ADAM12: variants seen among roughly 807,000 people sequenced by gnomAD.
The protein encoded by ADAM12 is ADAM metallopeptidase domain 12.
Under a neutral mutation model 106.4 loss-of-function variants are expected in ADAM12, and 70 were observed. That is an observed-to-expected ratio of 0.66 (90% confidence interval 0.54 to 0.80). The LOEUF is 0.80. Ranked by LOEUF, ADAM12 falls within the 30% of genes least tolerant of loss-of-function variation. ADAM12 has a pLI of 0.00. For synonymous variants in ADAM12, 420 were observed against 433.5 expected, an observed-to-expected ratio of 0.97 and a Z score of 0.39; for missense variants, 1,010 against 1,171.9, an observed-to-expected ratio of 0.86 and a Z score of 2.02.
rs1954868471 is a variant in ADAM12, at chr10:126,066,365, G to T, written c.1413+352C>A. Among the ~76,000 whole-genome samples, 1 of 152,222 alleles carries T rather than the reference G, an allele frequency of 6.6e-6. No homozygotes were observed. Among genetic ancestry groups the T allele is most frequent in the Non-Finnish European group, 1.5e-5 (1 of 68,036 alleles). On this transcript the variant is annotated intron_variant, in intron 13 of 22. Coordinates refer to ENST00000448723, the MANE Select transcript of ADAM12 (RefSeq NM_001288973.2). This position sits in a 1 kb window ranked among gnomAD's most constrained non-coding sequence, Gnocchi z 5.1. ...AACCTGGGGGAACCTGAGTGACAGT[G>T]GATGGGGACTTGTTCTCGCCTTGCT...
rs5788768 is a variant in ADAM12 at position 126,155,404 on chromosome 10, C to CTTT, written c.261-102_261-100dup. On this transcript the variant is annotated intron_variant, in intron 3 of 22. Coordinates refer to ENST00000448723, the MANE Select transcript of ADAM12 (RefSeq NM_001288973.2). ...TATAGGGTAGCAAGATTGTGACCTCCTTTTTTTTTTTTTAACAGATAATCC... is the reference window on the plus strand; with the variant it reads ...TATAGGGTAGCAAGATTGTGACCTCCTTTTTTTTTTTTTTTTAACAGATAATCC... The CTTT allele has an allele frequency of 5.4e-4, 433 of 807,912 alleles. 1 individual carries two copies. The African/African-American group carries it at 6.4e-3, about 12-fold the overall frequency. 50.0% of individuals were successfully genotyped at this position (807,912 alleles called of 1,614,324 possible).
chr10:126,045,443 G>T (rs1531331), intron 17 of ADAM12, among the ~76,000 whole-genome samples: 73,203 of 151,846 alleles, frequency 0.48, 22,006 homozygotes, highest in African/African-American at 0.84. Context: ...ATTTGGAGCA[G>T]GATTTCTGTA....
intron 21 of ADAM12, among the ~76,000 whole-genome samples, chr10:126,030,817 G>C (rs1953959212): frequency 6.6e-6 from 1 of 152,210 alleles, no homozygotes; most frequent in Non-Finnish European, 1.5e-5. Context: ...GACCTTGGTA[G>C]CTGTGTTTTA....
intron 2 of ADAM12, among the ~76,000 whole-genome samples, chr10:126,289,682 A>C (rs1960056981): frequency 6.6e-6 from 1 of 152,188 alleles, no homozygotes; most frequent in Non-Finnish European, 1.5e-5. Flanking sequence ...AGGAACAATA[A>C]TTTTAAGCAA....
intron 21 of ADAM12, among the ~76,000 whole-genome samples, chr10:126,035,108 G>T (rs1954035295): frequency 6.6e-6 from 1 of 152,140 alleles, no homozygotes; most frequent in Non-Finnish European, 1.5e-5. Context: ...GAGATATTTT[G>T]TTGTATTTAT....
At chr10:126,238,966 A>G (rs1054366372) in intron 3 of ADAM12, among the ~76,000 whole-genome samples, 9 of 152,218 alleles carry the variant, frequency 5.9e-5, no homozygotes, top group African/African-American at 2.2e-4. Context: ...AGAGAAAGAG[A>G]TAAAAGAGAG....
chr10:126,365,387 G>T (rs181109107), intron 1 of ADAM12, among the ~76,000 whole-genome samples: 84 of 152,270 alleles, frequency 5.5e-4, no homozygotes, highest in Admixed American at 1.2e-3. Flanking sequence ...TAACAATAAT[G>T]CCACTAGCTA....
At position 126,388,134 on chromosome 10, in the gene ADAM12, G is replaced by T. The variant is rs764932329; in HGVS notation, c.12C>A (p.Arg4=). Residue 4 remains arginine (R), a synonymous_variant, in exon 1 of 23, where the codon CGC becomes CGA. Coordinates refer to ENST00000448723, the MANE Select transcript of ADAM12 (RefSeq NM_001288973.2). The surrounding 1 kb of genome is among the most constrained non-coding windows in gnomAD (Gnocchi z 4.4). The part of the protein sequence containing the change: MAA[R]PLPVSPARAL... ...CGCGGGCGGGGGACACGGGCAGCGG[G>T]CGCGCTGCCATCGTCGCCGGCCTTC... 11 of 1,216,396 alleles carry T rather than the reference G, an allele frequency of 9.0e-6. No individual in the cohort carries two copies. The highest frequency in any genetic ancestry group is 3.3e-5 in the East Asian group (1 of 30,034). 75.4% of individuals were successfully genotyped at this position (1,216,396 alleles called of 1,614,324 possible).
chr10:126,272,846 A>C (rs1335491241), intron 3 of ADAM12: 1 of 416,828 alleles, frequency 2.4e-6, no homozygotes. Flanking sequence ...TGGATCTACA[A>C]TGGCTTCTAC....
At chr10:126,323,394 T>C in intron 2 of ADAM12, among the ~76,000 whole-genome samples, 1 of 152,194 alleles carries the variant, frequency 6.6e-6, no homozygotes, top group Non-Finnish European at 1.5e-5. Flanking sequence ...CCAGGTAAGA[T>C]ACCACATAGC....
intron 5 of ADAM12, among the ~76,000 whole-genome samples, chr10:126,128,951 G>A (rs1414879824): frequency 1.3e-5 from 2 of 152,062 alleles, no homozygotes; most frequent in African/African-American, 4.8e-5. Flanking sequence ...GGGAATGTGT[G>A]CAAGTGGGAG....
At chr10:126,202,158 C>G (rs1359096925) in intron 3 of ADAM12, among the ~76,000 whole-genome samples, 4 of 152,236 alleles carry the variant, frequency 2.6e-5, no homozygotes, top group Admixed American at 2.6e-4. Flanking sequence ...GAGATCCACC[C>G]CATGTGGGGA....
intron 3 of ADAM12, among the ~76,000 whole-genome samples, chr10:126,267,930 C>T (rs900852816): frequency 2.2e-4 from 33 of 152,114 alleles, no homozygotes; most frequent in African/African-American, 8.0e-4. Flanking sequence ...AAAAACAAAC[C>T]AGGAGCCCAG....
At chr10:126,219,391 A>G (rs1034713675) in intron 3 of ADAM12, among the ~76,000 whole-genome samples, 2 of 152,206 alleles carry the variant, frequency 1.3e-5, no homozygotes, top group Non-Finnish European at 2.9e-5. Flanking sequence ...CCCGTGGGCC[A>G]GCAGGGAACC....
chr10:126,039,558 A>G, intron 18 of ADAM12, 129 bp from the exon 19 acceptor site: 4 of 1,075,680 alleles, frequency 3.7e-6, no homozygotes, highest in South Asian at 1.5e-5. Context: ...CCCGTGAGTG[A>G]TGTACTAATA....
intron 21 of ADAM12, among the ~76,000 whole-genome samples, chr10:126,029,919 T>C (rs1002146928): frequency 2.0e-5 from 3 of 152,162 alleles, no homozygotes; most frequent in Admixed American, 6.5e-5. Flanking sequence ...AACAGCTCCT[T>C]TAAAGGCAGC....
At chr10:126,141,439 C>T (rs1418286045) in intron 4 of ADAM12, among the ~76,000 whole-genome samples, 1 of 151,966 alleles carries the variant, frequency 6.6e-6, no homozygotes, top group Non-Finnish European at 1.5e-5. Flanking sequence ...GAGCCCCAAA[C>T]ATGCATAACC....
At chr10:126,161,249 AG>A (rs1251666029) in intron 3 of ADAM12, among the ~76,000 whole-genome samples, 4 of 152,178 alleles carry the variant, frequency 2.6e-5, no homozygotes, top group African/African-American at 9.7e-5. Context: ...ACCCTGGTCC[AG>A]GTACTGTGCT....
chr10:126,164,687 G>C (rs1956993892), intron 3 of ADAM12, among the ~76,000 whole-genome samples: 1 of 152,068 alleles, frequency 6.6e-6, no homozygotes. Context: ...ATAGAGAAAA[G>C]ATCTGGAAGG....
Sources: gnomAD v4.1 joint callset for allele counts (sites outside exome capture counted in the v4.1 genomes callset) on GRCh38, gnomAD v4.1.1 for gene constraint, Gnocchi (gnomAD v3.1) non-coding constraint, MANE v1.5 for transcripts, NCBI Gene and HGNC (gene_info 2026-07-23, HGNC 2026-07-21) for gene names.